Variants in EIF4E2 observed in about 807,000 individuals in gnomAD.
The protein encoded by EIF4E2 is eukaryotic translation initiation factor 4E family member 2.
EIF4E2 carries 13 observed loss-of-function variants against 34.2 expected under a neutral mutation model. That is an observed-to-expected ratio of 0.38 (90% CI 0.25 to 0.60). The LOEUF is 0.60. Among genes scored for constraint, EIF4E2 ranks in the 20% least tolerant of loss-of-function variants. The probability of loss-of-function intolerance (pLI) is 0.62; values close to 1 mark genes in which losing one functional copy is unlikely to be tolerated. For missense variants in EIF4E2, 222 were observed against 315.1 expected (o/e 0.70, Z 2.24); for synonymous variants, 100 against 106.6 (o/e 0.94, Z 0.38).
downstream of EIF4E2, among the ~76,000 whole-genome samples, chr2:232,572,975 A>C (rs1452440919): frequency 6.6e-6 from 1 of 152,226 alleles, no homozygotes; most frequent in African/African-American, 2.4e-5. Flanking sequence ...GTCATTGCCA[A>C]AGCATTGGAT....
rs970125834 is a variant in EIF4E2, at chr2:232,581,290, G to A, written c.*347G>A. 8 of 411,474 alleles carry A rather than the reference G, an allele frequency of 1.9e-5. No individual in the cohort carries two copies. Among genetic ancestry groups the A allele is most frequent in the African/African-American group, 6.1e-5 (3 of 48,962 alleles). The allele number at this position is 411,474 out of a possible 1,614,324, so 25.5% of individuals were successfully genotyped here. Reference sequence around the variant, plus strand: ...GTTGTACGAAGGGTACCGTGGCCACGTGTACATGCCAGAGCTGTTGATGAG... The same window carrying A: ...GTTGTACGAAGGGTACCGTGGCCACATGTACATGCCAGAGCTGTTGATGAG... On this transcript the variant is annotated 3_prime_UTR_variant, in exon 7 of 7. Transcript: ENST00000409098. The surrounding 1 kb of genome is among the most constrained non-coding windows in gnomAD (Gnocchi z 5.2).
intron 1 of EIF4E2, chr2:232,550,980 G>C: frequency 1.6e-6 from 1 of 615,420 alleles, no homozygotes; most frequent in Non-Finnish European, 2.9e-6. Context: ...CCCGGGGGAG[G>C]GGTGGCTGTG....
chr2:232,570,711 G>A (rs1329466876), downstream of EIF4E2, among the ~76,000 whole-genome samples: 2 of 152,166 alleles, frequency 1.3e-5, no homozygotes, highest in African/African-American at 2.4e-5. Flanking sequence ...TTGGGAGCTC[G>A]AGGTGGGCAG....
chr2:232,574,118 C>A, downstream of EIF4E2: 1 of 844,778 alleles, frequency 1.2e-6, no homozygotes, highest in Non-Finnish European at 2.0e-6. Context: ...CCAGTGGGAC[C>A]TCGCTGCTCT....
At chr2:232,560,210 A>G (rs1692675199) in intron 3 of EIF4E2, among the ~76,000 whole-genome samples, 1 of 152,166 alleles carries the variant, frequency 6.6e-6, no homozygotes, top group Non-Finnish European at 1.5e-5. Context: ...TTTGTTTATA[A>G]TAAACCAGTA....
chr2:232,576,238 A>G (rs1402042665), intron 6 of EIF4E2, among the ~76,000 whole-genome samples: 1 of 151,996 alleles, frequency 6.6e-6, no homozygotes, highest in Non-Finnish European at 1.5e-5. Context: ...AGTGAATGTG[A>G]TTTTAAAAGG....
downstream of EIF4E2, among the ~76,000 whole-genome samples, chr2:232,573,537 G>C (rs1284750358): frequency 6.6e-6 from 1 of 152,118 alleles, no homozygotes; most frequent in Admixed American, 6.5e-5. Context: ...TCTTTTCTCT[G>C]TAAGCGAAAG....
chr2:232,565,037 A>T (rs1479448213), intron 4 of EIF4E2, among the ~76,000 whole-genome samples: 1 of 137,214 alleles, frequency 7.3e-6, no homozygotes, highest in Non-Finnish European at 1.6e-5. Flanking sequence ...CAGGAACTGG[A>T]GACCTAGAAC....
At chr2:232,559,912 G>A (rs1301597541) in intron 3 of EIF4E2, among the ~76,000 whole-genome samples, 4 of 151,620 alleles carry the variant, frequency 2.6e-5, no homozygotes, top group African/African-American at 9.7e-5. Context: ...GATCAGTTGA[G>A]CCTAGGAGGT....
intron 3 of EIF4E2, among the ~76,000 whole-genome samples, chr2:232,560,244 C>T (rs2950878): frequency 0.31 from 46,483 of 152,050 alleles, 7,650 homozygotes; most frequent in Admixed American, 0.41. Context: ...AGACAATAAC[C>T]GGGGAAAGAA....
intron 4 of EIF4E2, among the ~76,000 whole-genome samples, chr2:232,564,741 G>A (rs1729257): frequency 0.22 from 33,955 of 152,246 alleles, 3,995 homozygotes; most frequent in Admixed American, 0.32. Flanking sequence ...GTGAGCCACC[G>A]TGCCCAGCTG....
At chr2:232,580,781 G>A in intron 6 of EIF4E2, 1 of 833,274 alleles carries the variant, frequency 1.2e-6, no homozygotes. Context: ...AAGTGAAGAA[G>A]GCCCCGGGAT....
chr2:232,558,189 C>CATGTAGTTAT, intron 3 of EIF4E2, 171 bp downstream of exon 3: 1 of 735,854 alleles, frequency 1.4e-6, no homozygotes, highest in Non-Finnish European at 2.1e-6. Context: ...CACTAGATAT[C>CATGTAGTTAT]CATGGTTAGC....
intron 6 of EIF4E2, among the ~76,000 whole-genome samples, chr2:232,576,571 A>G (rs550581691): frequency 6.6e-6 from 1 of 152,328 alleles, no homozygotes; most frequent in Admixed American, 6.5e-5. Flanking sequence ...CTTAAAGCAC[A>G]GGCTTGGAAG....
intron 1 of EIF4E2, chr2:232,550,953 G>A (rs964640840): frequency 2.1e-5 from 13 of 627,268 alleles, no homozygotes; most frequent in Non-Finnish European, 3.3e-5. Context: ...CGTCCGAACC[G>A]AGGGCGAAGA....
chr2:232,574,390 C>T, intron 6 of EIF4E2: 1 of 1,527,096 alleles, frequency 6.5e-7, no homozygotes, highest in Non-Finnish European at 8.9e-7. Flanking sequence ...ACCTCTCATC[C>T]ATAGGACCCC....
At chr2:232,574,907 A>G (rs1258274874) in intron 6 of EIF4E2, among the ~76,000 whole-genome samples, 1 of 152,202 alleles carries the variant, frequency 6.6e-6, no homozygotes, top group African/African-American at 2.4e-5. Context: ...TAGTAGGGAG[A>G]GGCACTGAGG....
At chr2:232,563,425 A>G (rs1692795195) in intron 3 of EIF4E2, among the ~76,000 whole-genome samples, 1 of 151,734 alleles carries the variant, frequency 6.6e-6, no homozygotes, top group Admixed American at 6.6e-5. Context: ...GGGTGACACT[A>G]ATGAGAAAAA....
chr2:232,561,466 A>G lies in EIF4E2; in HGVS notation c.271-2781A>G, dbSNP rs957550542. Among the ~76,000 whole-genome samples the G allele has an allele frequency of 6.6e-5, 10 of 152,214 alleles. No individual in the cohort carries two copies. In the East Asian group the frequency reaches 9.6e-4, roughly 15 times the overall value. On this transcript the variant is annotated intron_variant, in intron 3 of 6. Transcript: ENST00000258416. Reference sequence around the variant, plus strand: ...CATCCATGCTCACTGGATGTGTGACAGTATTTAAAGTCTGTCATTTTGACT... The same window carrying G: ...CATCCATGCTCACTGGATGTGTGACGGTATTTAAAGTCTGTCATTTTGACT...
Sources: gnomAD v4.1 joint callset for allele counts (sites outside exome capture counted in the v4.1 genomes callset) on GRCh38, gnomAD v4.1.1 for gene constraint, Gnocchi (gnomAD v3.1) non-coding constraint, MANE v1.5 for transcripts, NCBI Gene and HGNC (gene_info 2026-07-23, HGNC 2026-07-21) for gene names.